SAMMSON: variants seen among roughly 807,000 people sequenced by gnomAD.
The protein encoded by SAMMSON is long intergenic non-protein coding RNA 1212.
At chr3:70,431,091 G>A (rs1448338192) in intron 2 of SAMMSON, among the ~76,000 whole-genome samples, 1 of 152,024 alleles carries the variant, frequency 6.6e-6, no homozygotes, top group Non-Finnish European at 1.5e-5. Context: ...GGAAGGAGTA[G>A]AAATTCACTC....
chr3:70,046,973 T>C (rs2067129240), intron 3 of SAMMSON, among the ~76,000 whole-genome samples: 1 of 152,072 alleles, frequency 6.6e-6, no homozygotes, highest in Non-Finnish European at 1.5e-5. Context: ...ACCCAGGTAA[T>C]CCAGGTTAAT....
intron 4 of SAMMSON, among the ~76,000 whole-genome samples, chr3:70,086,269 G>A (rs1211920068): frequency 1.3e-5 from 2 of 152,158 alleles, no homozygotes; most frequent in African/African-American, 2.4e-5. Context: ...CTACTTTGTG[G>A]ACTCATGGTT....
chr3:70,338,003 T>C (rs1702678791), intron 7 of SAMMSON, among the ~76,000 whole-genome samples: 1 of 151,716 alleles, frequency 6.6e-6, no homozygotes, highest in Admixed American at 6.6e-5. Context: ...TTTCCCAATG[T>C]GTAAAGATTA....
At chr3:70,113,811 A>G (rs2067399221) in intron 4 of SAMMSON, among the ~76,000 whole-genome samples, 1 of 152,178 alleles carries the variant, frequency 6.6e-6, no homozygotes, top group South Asian at 2.1e-4. Context: ...TGGGACCCCC[A>G]TGATGGGATT....
At chr3:70,296,651 C>T (rs1006366343) in intron 7 of SAMMSON, among the ~76,000 whole-genome samples, 1 of 152,064 alleles carries the variant, frequency 6.6e-6, no homozygotes, top group East Asian at 1.9e-4. Flanking sequence ...TCTTCCATTC[C>T]CACAGCCAAT....
chr3:70,401,881 GTTC>G (rs1320929378), intron 2 of SAMMSON, among the ~76,000 whole-genome samples: 1 of 152,072 alleles, frequency 6.6e-6, no homozygotes, highest in African/African-American at 2.4e-5. Context: ...CATTTACAAG[GTTC>G]TTCTTTATAC....
intron 3 of SAMMSON, among the ~76,000 whole-genome samples, chr3:70,048,693 A>T (rs2067135766): frequency 2.6e-5 from 4 of 152,086 alleles, no homozygotes; most frequent in African/African-American, 9.7e-5. Flanking sequence ...TACAATACTT[A>T]CCTTTACTAA....
intron 9 of SAMMSON, among the ~76,000 whole-genome samples, chr3:70,374,783 C>A (rs1702998704): frequency 6.6e-6 from 1 of 152,186 alleles, no homozygotes; most frequent in Admixed American, 6.5e-5. Context: ...CATTTGCTGT[C>A]ATGACTGGAG....
intron 3 of SAMMSON, among the ~76,000 whole-genome samples, chr3:70,047,883 T>C (rs192008568): frequency 2.3e-3 from 343 of 152,162 alleles, no homozygotes; most frequent in African/African-American, 8.0e-3. Flanking sequence ...TTGCAAACCA[T>C]TTTTTATAGT....
At chr3:70,401,503 G>A (rs533163595) in intron 2 of SAMMSON, among the ~76,000 whole-genome samples, 8 of 152,182 alleles carry the variant, frequency 5.3e-5, no homozygotes, top group Admixed American at 2.0e-4. Context: ...TTATTTTCTC[G>A]AAATAATATG....
At chr3:70,183,983 C>T (rs1399156371) in intron 4 of SAMMSON, 2 of 152,096 alleles carry the variant, frequency 1.3e-5, no homozygotes, top group Non-Finnish European at 1.5e-5. Flanking sequence ...GAAAAGATTC[C>T]CAATTCGTAG....
intron 4 of SAMMSON, chr3:70,206,884 C>A: frequency 2.5e-6 from 1 of 395,420 alleles, no homozygotes; most frequent in Non-Finnish European, 4.5e-6. Context: ...TTTGACTTTC[C>A]TAAGATTAAA....
chr3:70,198,063 CTTTCT>C (rs1701198456), intron 4 of SAMMSON, among the ~76,000 whole-genome samples: 1 of 151,926 alleles, frequency 6.6e-6, no homozygotes, highest in Non-Finnish European at 1.5e-5. Flanking sequence ...TTTAACTTTT[CTTTCT>C]TTTAAGTTAA....
intron 4 of SAMMSON, among the ~76,000 whole-genome samples, chr3:70,194,688 C>T (rs75605242): frequency 6.6e-6 from 1 of 152,134 alleles, no homozygotes; most frequent in Non-Finnish European, 1.5e-5. Flanking sequence ...CTCTAATTGA[C>T]AAGCATTCAA....
At chr3:70,390,333 CAAT>C (rs1701034441), downstream of SAMMSON, among the ~76,000 whole-genome samples, 1 of 151,954 alleles carries the variant, frequency 6.6e-6, no homozygotes, top group Non-Finnish European at 1.5e-5. Flanking sequence ...TGATTCCAAG[CAAT>C]AATGATTTTG....
intron 3 of SAMMSON, among the ~76,000 whole-genome samples, chr3:70,035,745 A>C (rs1477718243): frequency 6.6e-6 from 1 of 152,178 alleles, no homozygotes; most frequent in East Asian, 1.9e-4. Flanking sequence ...GAAAGGAAGG[A>C]AAGTAGGGTC....
intron 2 of SAMMSON, among the ~76,000 whole-genome samples, chr3:70,424,017 T>C (rs1221299817): frequency 6.6e-6 from 1 of 152,214 alleles, no homozygotes; most frequent in Admixed American, 6.5e-5. Context: ...AGAAGTTAAG[T>C]AGCAATCATT....
At chr3:70,023,749 C>T (rs910098172) in intron 3 of SAMMSON, among the ~76,000 whole-genome samples, 4 of 152,126 alleles carry the variant, frequency 2.6e-5, no homozygotes, top group African/African-American at 9.7e-5. Context: ...ATCTCTATTT[C>T]GAGCTCTTGC....
intron 4 of SAMMSON, among the ~76,000 whole-genome samples, chr3:70,076,347 A>G (rs1318505385): frequency 6.6e-6 from 1 of 152,174 alleles, no homozygotes; most frequent in Non-Finnish European, 1.5e-5. Context: ...ATTTGGGAGT[A>G]TAAATTGGGA....
Sources: allele counts gnomAD v4.1 joint callset (sites outside exome capture counted in the v4.1 genomes callset), GRCh38; gene constraint gnomAD v4.1.1; transcripts MANE v1.5; gene names NCBI Gene and HGNC (gene_info 2026-07-23, HGNC 2026-07-21).